PLCH2: variants seen among roughly 807,000 people sequenced by gnomAD.
PLCH2 encodes the protein phospholipase C eta 2, also known as 1-phosphatidylinositol 4,5-bisphosphate phosphodiesterase eta-2.
Under a neutral mutation model 134.7 loss-of-function variants are expected in PLCH2, and 98 were observed. That is an observed-to-expected ratio of 0.73 (90% CI 0.62 to 0.86). PLCH2 has a LOEUF of 0.86. PLCH2 is among the 40% of genes least tolerant of loss of function. The pLI is 0.00. For synonymous variants in PLCH2, 974 were observed against 827.5 expected, an observed-to-expected ratio of 1.18 and a Z score of -3.04; for missense variants, 1,994 against 1,986.6, an observed-to-expected ratio of 1.00 and a Z score of -0.07.
At position 2,480,283 on chromosome 1, in the gene PLCH2, C is replaced by A. The variant is rs776926660; in HGVS notation, c.616C>A (p.Pro206Thr). The change falls in exon 4 of 22, where the codon CCC (proline) becomes ACC (threonine). Residue 206 changes from proline (P) to threonine (T), a missense_variant. By Grantham distance (38) the Pro-to-Thr change is conservative. Around this residue, in one of 2 missense-constraint regions of PLCH2, gnomAD observed 1,094 missense variants for 1,234.3 expected, o/e 0.89. Coordinates refer to ENST00000378486, the MANE Select transcript of PLCH2 (RefSeq NM_014638.4). ...QLLHKLNVNL[P>T]RQRVKQMFRE... ...GCTGCACAAGCTCAACGTGAACCTG[C>A]CCCGGCAGAGGGTGAAGCAGATGTT... The A allele has an allele frequency of 3.1e-6, 5 of 1,612,604 alleles. No homozygotes were observed. Among genetic ancestry groups the A allele is most frequent in the Non-Finnish European group, 4.2e-6 (5 of 1,179,756 alleles).
chr1:2,428,118 CCCAGCATGGCCCGGT>C (rs1335496474), intron 1 of PLCH2, among the ~76,000 whole-genome samples: 5 of 152,188 alleles, frequency 3.3e-5, no homozygotes, highest in Non-Finnish European at 7.3e-5. Context: ...CCACCCTGTC[CCCAGCATGGCCCGGT>C]CCAGCCTGGC....
intron 2 of PLCH2, among the ~76,000 whole-genome samples, chr1:2,437,400 C>T (rs1639474580): frequency 6.6e-6 from 1 of 152,128 alleles, no homozygotes; most frequent in Non-Finnish European, 1.5e-5. Flanking sequence ...GCCCAAATCT[C>T]AAATTCATCA....
Position 2,502,255 on chromosome 1 carries a change from G to C in PLCH2, c.2805G>C (p.Lys935Asn). ...ILRRTASAPT[K>N]SQKPGRRGFP... ...GGCGCACGGCCAGCGCCCCGACCAA[G>C]AGCCAGAAGCCGGGCCGCAGGGGCT... Residue 935 changes from lysine (K) to asparagine (N), a missense_variant, in exon 21 of 22, where the codon AAG (lysine) becomes AAC (asparagine). Around this residue, in one of 2 missense-constraint regions of PLCH2, gnomAD observed 900 missense variants for 752.3 expected, o/e 1.20. Transcript: ENST00000378486. 1.3e-6 allele frequency: 2 copies of C among 1,541,912 alleles called. No individual in the cohort carries two copies. Among genetic ancestry groups the C allele is most frequent in the Non-Finnish European group, 1.7e-6 (2 of 1,144,892 alleles).
upstream of PLCH2, among the ~76,000 whole-genome samples, chr1:2,472,414 C>T (rs549155789): frequency 1.5e-4 from 23 of 152,228 alleles, no homozygotes; most frequent in African/African-American, 4.1e-4. Context: ...GGGGGCAGCA[C>T]GGGAGGGGGA....
intron 21 of PLCH2, chr1:2,503,177 T>C (rs1394861143): frequency 4.8e-6 from 3 of 618,722 alleles, no homozygotes; most frequent in Non-Finnish European, 8.9e-6. Context: ...CTGCTCTTGC[T>C]GAGGGTCTGG....
Position 2,504,686 on chromosome 1 carries a change from C to T in PLCH2, c.3724C>T (p.Leu1242=), listed in dbSNP as rs1643440369. The T allele has an allele frequency of 8.7e-6, 14 of 1,612,498 alleles. No individual in the cohort carries two copies. Among genetic ancestry groups the T allele is most frequent in the African/African-American group, 2.7e-5 (2 of 74,934 alleles). Residue 1242 remains leucine (L), a synonymous_variant, in exon 22 of 22, where the codon CTG becomes TTG. Coordinates refer to ENST00000378486, the MANE Select transcript of PLCH2 (RefSeq NM_014638.4). ...PFRPPWGCLS[L]VGVQDCPVAA... Reference sequence around the variant, plus strand: ...CCGGCCTCCCTGGGGCTGCCTTTCCCTGGTGGGCGTGCAGGACTGCCCCGT... The same window carrying T: ...CCGGCCTCCCTGGGGCTGCCTTTCCTTGGTGGGCGTGCAGGACTGCCCCGT...
At chr1:2,441,948 C>A (rs6669420) in intron 2 of PLCH2, among the ~76,000 whole-genome samples, 74,878 of 152,024 alleles carry the variant, frequency 0.49, 19,494 homozygotes, top group African/African-American at 0.63. Flanking sequence ...TGCTAGAGCC[C>A]GCCCAGCCTC....
chr1:2,457,398 G>A (rs1251604139), intron 2 of PLCH2, among the ~76,000 whole-genome samples: 1 of 152,128 alleles, frequency 6.6e-6, no homozygotes, highest in Admixed American at 6.5e-5. Context: ...TCGTGGCCGT[G>A]ATCACAAGGG....
rs1639839820 is a variant in PLCH2, at chr1:2,444,348, G to A, written c.115+13719G>A. Among the ~76,000 whole-genome samples the A allele has an allele frequency of 6.6e-6, 1 of 152,068 alleles. No individual in the cohort carries two copies. The highest frequency in any genetic ancestry group is 1.5e-5 in the Non-Finnish European group (1 of 67,986). ...TGGTGCCGCAGGGCACCCTGTGTGGGTCCGGGAGGTGCTGCGTGGACTTGC... is the reference window on the plus strand; with the variant it reads ...TGGTGCCGCAGGGCACCCTGTGTGGATCCGGGAGGTGCTGCGTGGACTTGC... On this transcript the variant is annotated intron_variant, in intron 2 of 3. Transcript: ENST00000609981. The surrounding 1 kb of genome is among the most constrained non-coding windows in gnomAD (Gnocchi z 4.6).
Position 2,505,154 on chromosome 1 carries a change from A to C in PLCH2, c.4192A>C (p.Lys1398Gln). Residue 1398 changes from lysine (K) to glutamine (Q), a missense_variant, in exon 22 of 22, where the codon AAG becomes CAG. By Grantham distance (53) the Lys-to-Gln change is moderately conservative (BLOSUM62 1). This residue lies in a region of PLCH2 where 900 missense variants were observed against 752.3 expected (regional missense o/e 1.20). Coordinates refer to ENST00000378486, the MANE Select transcript of PLCH2 (RefSeq NM_014638.4). ...CAGTGTGGATGCACCAGCACCCTCC[A>C]AGGGAGCCCTCGGGCCAGCATCCGC... is the stretch of plus-strand genomic sequence containing the variant. ...EGSVDAPAPS[K>Q]GALGPASAAA... 1 of 1,565,136 alleles carries C rather than the reference A, an allele frequency of 6.4e-7. No homozygotes were observed. Among genetic ancestry groups the C allele is most frequent in the Non-Finnish European group, 8.6e-7 (1 of 1,165,388 alleles).
chr1:2,416,545 G>A, the PLCH2 span, among the ~76,000 whole-genome samples: 1 of 152,276 alleles, frequency 6.6e-6, no homozygotes, highest in East Asian at 1.9e-4. Context: ...TGCAGAGTGT[G>A]AGCTGGGGAG....
In PLCH2 at chr1:2,478,709, T is replaced by C; in HGVS notation, c.271+87T>C. ...CCCTCCCAGGGCAGCCACTGATGGC[T>C]GAGGAGCAGCGAGACCCTAGGCCTG... On this transcript the variant is annotated intron_variant, in intron 2 of 21. Transcript: ENST00000378486. The C allele has an allele frequency of 3.0e-6, 4 of 1,352,386 alleles. 1 individual carries two copies. The South Asian group carries it at 5.2e-5, about 17-fold the overall frequency. 83.8% of individuals were successfully genotyped at this position (1,352,386 alleles called of 1,614,324 possible). A position where few individuals can be genotyped will look rare whatever the true frequency, so the allele number is the denominator to read the frequency against.
chr1:2,459,438 TTGCCGGTGG>T (rs1207382298), intron 2 of PLCH2, among the ~76,000 whole-genome samples: 5 of 76,214 alleles, frequency 6.6e-5, no homozygotes, highest in East Asian at 3.8e-4. Flanking sequence ...GTGGTCCTCC[TTGCCGGTGG>T]TCCTCCTTCC....
intron 4 of PLCH2, among the ~76,000 whole-genome samples, chr1:2,483,562 A>T (rs1642088128): frequency 6.6e-6 from 1 of 152,100 alleles, no homozygotes; most frequent in African/African-American, 2.4e-5. Context: ...CAAGCAGGTC[A>T]TGCTCTCACC....
chr1:2,497,724 G>A (rs1459658425), intron 16 of PLCH2, 115 bp downstream of exon 16: 1 of 727,274 alleles, frequency 1.4e-6, no homozygotes, highest in Non-Finnish European at 2.3e-6. Flanking sequence ...GGGCGGCTTT[G>A]GCAGAGTCCC....
chr1:2,467,672 C>T, intron 1 of PLCH2: 1 of 410,168 alleles, frequency 2.4e-6, no homozygotes, highest in South Asian at 8.4e-5. Flanking sequence ...GGTAAGGGGG[C>T]AGGTGGGATC....
At position 2,499,064 on chromosome 1, in the gene PLCH2, T is replaced by C; in HGVS notation, c.2435-20T>C. The C allele has an allele frequency of 6.2e-7, 1 of 1,600,942 alleles. No homozygotes were observed. Among genetic ancestry groups the C allele is most frequent in the Non-Finnish European group, 8.5e-7 (1 of 1,174,646 alleles). ...CCGGGCCCTCCCCATGGGACACTCC[T>C]CCTGGCGCTGCTTCCCCAGGGTTCA... On this transcript the variant is annotated intron_variant, in intron 18 of 21. Transcript: ENST00000378486.
At chr1:2,442,169 G>A (rs1639721625) in intron 2 of PLCH2, among the ~76,000 whole-genome samples, 1 of 150,812 alleles carries the variant, frequency 6.6e-6, no homozygotes, top group Non-Finnish European at 1.5e-5. Context: ...GCAATAGACT[G>A]CTTGGGGGAG....
intron 21 of PLCH2, chr1:2,503,277 CT>C: frequency 1.8e-6 from 1 of 565,218 alleles, no homozygotes; most frequent in Non-Finnish European, 3.2e-6. Flanking sequence ...TGCATGGCCC[CT>C]GATGCCTTTC....
Sources: allele counts gnomAD v4.1 joint callset (sites outside exome capture counted in the v4.1 genomes callset), GRCh38; gene constraint gnomAD v4.1.1; regional missense constraint gnomAD v4.1.1; non-coding constraint Gnocchi (gnomAD v3.1); transcripts MANE v1.5; gene names NCBI Gene and HGNC (gene_info 2026-07-23, HGNC 2026-07-21).